The following BDH2 variants were observed in gnomAD, a reference collection of about 807,000 sequenced individuals.
The protein encoded by BDH2 is 3-hydroxybutyrate dehydrogenase 2.
BDH2 carries 24 observed loss-of-function variants against 33.2 expected under a neutral mutation model. The observed-to-expected ratio is 0.72, with a 90% CI of 0.52 to 1.02. The LOEUF is 1.02. BDH2 is among the 50% of genes least tolerant of loss of function. The pLI is 0.00. For missense variants in BDH2, 249 were observed against 301.6 expected (o/e 0.83, Z 1.29); for synonymous variants, 81 against 101.6 (o/e 0.80, Z 1.22).
Position 103,079,540 on chromosome 4 carries a change from C to A in BDH2, c.*162G>T. On this transcript the variant is annotated 3_prime_UTR_variant, in exon 10 of 10. Transcript: ENST00000296424. ...AAGAGATTACAAAGAGATTAATATA[C>A]TTAAAGAATCAGACTCTTGCAAACA... 1.6e-6 allele frequency: 1 copy of A among 637,292 alleles called. No homozygotes were observed. The highest frequency in any genetic ancestry group is 2.0e-5 in the South Asian group (1 of 49,998). 39.5% of individuals were successfully genotyped at this position (637,292 alleles called of 1,614,324 possible).
intron 1 of BDH2, 80 bp from the exon 2 acceptor site, chr4:103,096,354 G>A (rs1748404928): frequency 6.9e-6 from 6 of 863,900 alleles, no homozygotes; most frequent in African/African-American, 3.3e-5. Flanking sequence ...GAATAGTTCA[G>A]TGTGCTCTTT....
At position 103,086,272 on chromosome 4, in the gene BDH2, C is replaced by T. The variant is rs1438573778; in HGVS notation, c.418+208G>A. The T allele has an allele frequency of 6.1e-6, 8 of 1,301,696 alleles. No individual in the cohort carries two copies. The African/African-American group carries it at 1.1e-4, about 17-fold the overall frequency. The allele number at this position is 1,301,696 out of a possible 1,614,324, so 80.6% of individuals were successfully genotyped here. ...AAGAATAAAAGGGAGGGCAAAAATA[C>T]CCCACATTTTAATTTAATTTTACCA... On this transcript the variant is annotated intron_variant, in intron 6 of 9. Coordinates refer to ENST00000296424, the MANE Select transcript of BDH2 (RefSeq NM_020139.4).
chr4:103,096,070 A>C, intron 2 of BDH2, 113 bp downstream of exon 2: 1 of 694,640 alleles, frequency 1.4e-6, no homozygotes, highest in Non-Finnish European at 2.4e-6. Context: ...AGAAGCACAA[A>C]AGTAAAAAAA....
At position 103,096,216 on chromosome 4, in the gene BDH2, G is replaced by A. The variant is rs777977855; in HGVS notation, c.39C>T (p.Ala13=). ...RLDGKVIILT[A]AAQGIGQAAA... ...CTGCTTGGCCAATCCCCTGAGCAGC[G>A]GCCGTCAGGATGATGACTTTCCCAT... is the stretch of plus-strand genomic sequence containing the variant. Residue 13 remains alanine, a synonymous_variant, in exon 2 of 10, where the codon GCC becomes GCT. Transcript: ENST00000296424. 3.3e-5 allele frequency: 53 copies of A among 1,613,650 alleles called. No individual in the cohort carries two copies. Among genetic ancestry groups the A allele is most frequent in the African/African-American group, 1.5e-4 (11 of 74,924 alleles).
intron 7 of BDH2, 152 bp downstream of exon 7, chr4:103,085,197 T>C: frequency 1.6e-6 from 1 of 628,962 alleles, no homozygotes. Context: ...CAAAAAATAT[T>C]TATGGCTTTG....
chr4:103,091,772 C>T (rs1239146301), intron 4 of BDH2: 4 of 455,520 alleles, frequency 8.8e-6, no homozygotes, highest in East Asian at 7.0e-5. Context: ...AGAGAAAAAA[C>T]ATCTGCCCTA....
intron 4 of BDH2, chr4:103,091,509 A>G: frequency 2.2e-6 from 1 of 449,996 alleles, no homozygotes. Flanking sequence ...TCCAAACAAA[A>G]GTATGGTCAC....
At chr4:103,085,011 T>C (rs963581693) in intron 7 of BDH2, among the ~76,000 whole-genome samples, 1 of 152,246 alleles carries the variant, frequency 6.6e-6, no homozygotes, top group African/African-American at 2.4e-5. Flanking sequence ...ATTAGATACC[T>C]TAAGTTCCTT....
intron 5 of BDH2, 104 bp downstream of exon 5, chr4:103,091,073 T>C (rs1748060126): frequency 3.1e-6 from 2 of 649,404 alleles, no homozygotes; most frequent in Non-Finnish European, 5.5e-6. Flanking sequence ...TTAATCATTG[T>C]GTTAGTTATT....
In BDH2 at chr4:103,086,315, C is replaced by A. The variant is rs1747778594; in HGVS notation, c.418+165G>T. The A allele has an allele frequency of 2.3e-6, 3 of 1,326,302 alleles. No homozygotes were observed. In the South Asian group the frequency reaches 7.3e-5, roughly 32 times the overall value. 82.2% of individuals were successfully genotyped at this position (1,326,302 alleles called of 1,614,324 possible). On this transcript the variant is annotated intron_variant, in intron 6 of 9. Coordinates refer to ENST00000296424, the MANE Select transcript of BDH2 (RefSeq NM_020139.4). Reference sequence around the variant, plus strand: ...TTTTACCACTGGCTCACATCGAGAGCAAAAGATCTGTGGTTAAGGAACTTA... The same window carrying A: ...TTTTACCACTGGCTCACATCGAGAGAAAAAGATCTGTGGTTAAGGAACTTA...
chr4:103,096,327 G>A, intron 1 of BDH2, 53 bp from the exon 2 acceptor site: 1 of 1,168,404 alleles, frequency 8.6e-7, no homozygotes, highest in Non-Finnish European at 1.3e-6. Flanking sequence ...TCTTGAGCAG[G>A]CAGTAACATC....
intron 7 of BDH2, among the ~76,000 whole-genome samples, chr4:103,084,984 A>G (rs1475247204): frequency 6.6e-6 from 1 of 152,204 alleles, no homozygotes; most frequent in African/African-American, 2.4e-5. Flanking sequence ...TTCTTTTTAA[A>G]GAATATTATA....
chr4:103,080,508 A>G (rs1160450546), intron 9 of BDH2, among the ~76,000 whole-genome samples: 2 of 152,232 alleles, frequency 1.3e-5, no homozygotes, highest in Admixed American at 6.5e-5. Flanking sequence ...GCCTGAAACA[A>G]TGGAAGAGGA....
chr4:103,096,259 G>C lies in BDH2; in HGVS notation c.-5C>G. 1 of 1,612,998 alleles carries C rather than the reference G, an allele frequency of 6.2e-7. No homozygotes were observed. On this transcript the variant is annotated 5_prime_UTR_variant, in exon 2 of 10. Coordinates refer to ENST00000296424, the MANE Select transcript of BDH2 (RefSeq NM_020139.4). ...TTTCCCATCAAGTCGACCCATAATGGAACCTGTGGTTTAATCTAAAGACAT... is the reference window on the plus strand; with the variant it reads ...TTTCCCATCAAGTCGACCCATAATGCAACCTGTGGTTTAATCTAAAGACAT...
rs745858239 is a variant in BDH2, at chr4:103,096,230, T to C, written c.25A>G (p.Ile9Val). 3.7e-6 allele frequency: 6 copies of C among 1,613,844 alleles called. No individual in the cohort carries two copies. The Admixed American group carries it at 1.0e-4, about 27-fold the overall frequency. The change falls in exon 2 of 10, where the codon ATC becomes GTC. Residue 9 changes from isoleucine to valine, a missense_variant. Transcript: ENST00000296424. The stretch of plus-strand genomic sequence containing the variant: ...CCCTGAGCAGCGGCCGTCAGGATGA[T>C]GACTTTCCCATCAAGTCGACCCATA... MGRLDGKVIILTAAAQGIG... is the reference protein window; with the variant it reads MGRLDGKVVILTAAAQGIG...
chr4:103,085,490 T>C, intron 6 of BDH2, 28 bp from the exon 7 acceptor site: 1 of 1,573,828 alleles, frequency 6.4e-7, no homozygotes, highest in Non-Finnish European at 8.7e-7. Flanking sequence ...GTTCAACAAT[T>C]GAAGGAATAA....
chr4:103,081,954 T>C (rs1747544379), intron 9 of BDH2, 127 bp downstream of exon 9: 8 of 697,346 alleles, frequency 1.1e-5, no homozygotes, highest in Non-Finnish European at 1.9e-5. Context: ...AACTTATCCC[T>C]ATCTTATAAA....
chr4:103,097,657 C>G (rs1395830600), intron 1 of BDH2: 1 of 152,214 alleles, frequency 6.6e-6, no homozygotes, highest in East Asian at 1.9e-4. Flanking sequence ...AGAAGGAAAC[C>G]TTCTCAGAAA....
intron 3 of BDH2, among the ~76,000 whole-genome samples, 183 bp from the exon 4 acceptor site, chr4:103,092,879 C>T (rs1170963027): frequency 6.6e-6 from 1 of 152,170 alleles, no homozygotes; most frequent in Non-Finnish European, 1.5e-5. Flanking sequence ...TCCATCTTGA[C>T]TCCTCCAATA....
Sources: gnomAD v4.1 joint callset for allele counts (sites outside exome capture counted in the v4.1 genomes callset) on GRCh38, gnomAD v4.1.1 for gene constraint, MANE v1.5 for transcripts, NCBI Gene and HGNC (gene_info 2026-07-23, HGNC 2026-07-21) for gene names.